Variants in UNC13A observed in about 807,000 individuals in gnomAD.
The protein encoded by UNC13A is unc-13 homolog A.
A neutral mutation model predicts 219.7 loss-of-function variants in UNC13A; 61 were observed. The observed-to-expected ratio is 0.28, with a 90% CI of 0.23 to 0.34. The LOEUF is 0.34. UNC13A is among the 10% of genes least tolerant of loss of function. The pLI is 1.00. For synonymous variants in UNC13A, 920 were observed against 884.6 expected, an observed-to-expected ratio of 1.04 and a Z score of -0.71; for missense variants, 1,476 against 2,270.3, an observed-to-expected ratio of 0.65 and a Z score of 7.11.
At chr19:17,667,247 C>T (rs2145895554) in intron 6 of UNC13A, among the ~76,000 whole-genome samples, 1 of 76,860 alleles carries the variant, frequency 1.3e-5, no homozygotes, top group African/African-American at 5.6e-5. Context: ...GAGACTCCGT[C>T]TCAAAAAAGA....
At chr19:17,688,014 C>A (rs899562965) in intron 1 of UNC13A, among the ~76,000 whole-genome samples, 164 bp downstream of exon 1, 3 of 151,926 alleles carry the variant, frequency 2.0e-5, no homozygotes, top group African/African-American at 7.3e-5. Flanking sequence ...ACACGGATCA[C>A]CCCCTCCGGG....
chr19:17,639,503 G>T lies in UNC13A; in HGVS notation c.2879C>A (p.Pro960Gln). 1 of 1,613,376 alleles carries T rather than the reference G, an allele frequency of 6.2e-7. No homozygotes were observed. The highest frequency in any genetic ancestry group is 1.1e-5 in the South Asian group (1 of 90,984). The part of the protein sequence containing the change: ...MYRNNFPASS[P>Q]ERLQDLKSTV... ...GGATTTGAGGTCCTGGAGTCTCTCC[G>T]GGCTGCTGGCTGGGAAGTTATTCTG... is the stretch of plus-strand genomic sequence containing the variant. The change falls in exon 24 of 44, where the codon CCG becomes CAG. Residue 960 changes from proline to glutamine, a missense_variant. This residue lies in a region of UNC13A where 140 missense variants were observed against 270.9 expected (regional missense o/e 0.52). Coordinates refer to ENST00000519716, the MANE Select transcript of UNC13A (RefSeq NM_001080421.3).
chr19:17,607,876 C>CT (rs58683080), intron 43 of UNC13A, among the ~76,000 whole-genome samples: 13,263 of 96,258 alleles, frequency 0.14, 1,817 homozygotes, highest in South Asian at 0.19. Context: ...CGTGAACAGA[C>CT]TTTTTTTTTT....
chr19:17,668,464 C>T (rs2079706878), intron 5 of UNC13A, among the ~76,000 whole-genome samples: 1 of 152,012 alleles, frequency 6.6e-6, no homozygotes, highest in African/African-American at 2.4e-5. Context: ...GTGGGGAAGC[C>T]ATTGTTTTTA....
intron 21 of UNC13A, 52 bp downstream of exon 21, chr19:17,641,341 G>A (rs531720280): frequency 6.3e-7 from 1 of 1,593,024 alleles, no homozygotes; most frequent in Non-Finnish European, 8.6e-7. Flanking sequence ...ACCTGCCAGT[G>A]CCCACTTGGT....
chr19:17,606,172 C>T lies in UNC13A; in HGVS notation c.4994G>A (p.Gly1665Asp). The T allele has an allele frequency of 6.4e-7, 1 of 1,571,396 alleles. No individual in the cohort carries two copies. The highest frequency in any genetic ancestry group is 8.6e-7 in the Non-Finnish European group (1 of 1,160,128). The change falls in exon 44 of 44, where the codon GGC becomes GAC. Residue 1665 changes from glycine (G) to aspartate (D), a missense_variant. This residue lies in a region of UNC13A where 187 missense variants were observed against 172.3 expected (regional missense o/e 1.09). Coordinates refer to ENST00000519716, the MANE Select transcript of UNC13A (RefSeq NM_001080421.3). ...CGAGAGGATTCGCAGCACCGTGAGG[C>T]CCGTGTCGTCCATGTGGATGCGGCG... ...LGRRIHMDDT[G>D]LTVLRILSQR...
At chr19:17,632,417 T>C (rs2076866190) in intron 28 of UNC13A, among the ~76,000 whole-genome samples, 1 of 152,196 alleles carries the variant, frequency 6.6e-6, no homozygotes, top group Non-Finnish European at 1.5e-5. Flanking sequence ...CTCAAGCAAG[T>C]CCTGCCTCAG....
chr19:17,627,363 A>G lies in UNC13A; in HGVS notation c.3920+146T>C. On this transcript the variant is annotated intron_variant, in intron 33 of 43. Coordinates refer to ENST00000519716, the MANE Select transcript of UNC13A (RefSeq NM_001080421.3). This position sits in a 1 kb window ranked among gnomAD's most constrained non-coding sequence, Gnocchi z 4.7. ...ACCCAAGGCCACACAGCTAGTAAGC[A>G]GTAAAGCCAAGATTTGAACTCAGCC... 1.6e-6 allele frequency: 1 copy of G among 638,572 alleles called. No homozygotes were observed. Among genetic ancestry groups the G allele is most frequent in the Non-Finnish European group, 2.7e-6 (1 of 368,580 alleles). The allele number at this position is 638,572 out of a possible 1,614,324, so 39.6% of individuals were successfully genotyped here. A position where few individuals can be genotyped will look rare whatever the true frequency, so the allele number is the denominator to read the frequency against.
chr19:17,685,694 G>A lies in UNC13A; in HGVS notation c.22+2484C>T, dbSNP rs116847946. ...CATTTGAGTACACACGTGTGCCTACGGAATGTGCCTTCCCAGGCACATGGT... is the reference window on the plus strand; with the variant it reads ...CATTTGAGTACACACGTGTGCCTACAGAATGTGCCTTCCCAGGCACATGGT... On this transcript the variant is annotated intron_variant, in intron 1 of 43. Transcript: ENST00000519716. Among the ~76,000 whole-genome samples, 686 of 152,276 alleles carry A rather than the reference G, an allele frequency of 4.5e-3. 2 individuals carry two copies. The highest frequency in any genetic ancestry group is 6.8e-3 in the Non-Finnish European group (464 of 68,020).
chr19:17,606,271 G>A lies in UNC13A; in HGVS notation c.4895C>T (p.Thr1632Met), dbSNP rs775051410. 3.9e-6 allele frequency: 6 copies of A among 1,547,708 alleles called. No homozygotes were observed. Among genetic ancestry groups the A allele is most frequent in the African/African-American group, 2.8e-5 (2 of 72,372 alleles). ...CAGCTGCAGCACGGCCAGCCCCACC[G>A]TGCGGTCCTCGCGCGCGAAGCAGTA... The part of the protein sequence containing the change: ...KDYCFAREDR[T>M]VGLAVLQLRE... The change falls in exon 44 of 44, where the codon ACG (threonine) becomes ATG (methionine). Residue 1632 changes from threonine to methionine, a missense_variant. By Grantham distance (81) the Thr-to-Met change is moderately conservative. Around this residue, in one of 14 missense-constraint regions of UNC13A, gnomAD observed 187 missense variants for 172.3 expected, o/e 1.09. Coordinates refer to ENST00000519716, the MANE Select transcript of UNC13A (RefSeq NM_001080421.3).
Position 17,649,236 on chromosome 19 carries a change from T to G in UNC13A, c.1524+103A>C, listed in dbSNP as rs1655138566. 6.6e-7 allele frequency: 1 copy of G among 1,519,772 alleles called. No homozygotes were observed. The highest frequency in any genetic ancestry group is 1.4e-5 in the African/African-American group (1 of 72,744). 94.1% of individuals were successfully genotyped at this position (1,519,772 alleles called of 1,614,324 possible). A position where few individuals can be genotyped will look rare whatever the true frequency, so the allele number is the denominator to read the frequency against. ...TCACAGCATCCAACACAGTGGGACATGGCAAGGTTCCCCCATAATCCATGA... is the reference window on the plus strand; with the variant it reads ...TCACAGCATCCAACACAGTGGGACAGGGCAAGGTTCCCCCATAATCCATGA... On this transcript the variant is annotated intron_variant, in intron 14 of 43. Coordinates refer to ENST00000519716, the MANE Select transcript of UNC13A (RefSeq NM_001080421.3). This position sits in a 1 kb window ranked among gnomAD's most constrained non-coding sequence, Gnocchi z 4.4.
intron 36 of UNC13A, 129 bp downstream of exon 36, chr19:17,623,413 G>A: frequency 1.4e-6 from 1 of 715,180 alleles, no homozygotes; most frequent in South Asian, 1.8e-5. Context: ...GGCACATCTA[G>A]GCGGGAGGGA....
In UNC13A at chr19:17,674,471, G is replaced by A. The variant is rs774103792; in HGVS notation, c.152+186C>T. Among the ~76,000 whole-genome samples the A allele has an allele frequency of 3.3e-5, 5 of 152,270 alleles. No homozygotes were observed. In the South Asian group the frequency reaches 6.2e-4, roughly 19 times the overall value. On this transcript the variant is annotated intron_variant, in intron 3 of 43. Coordinates refer to ENST00000519716, the MANE Select transcript of UNC13A (RefSeq NM_001080421.3). This position sits in a 1 kb window ranked among gnomAD's most constrained non-coding sequence, Gnocchi z 5.0. ...CAGCAGGGACTTGGCTGGTGGCTGC[G>A]GAGACCAAGGGAAGTGATTGGATTG...
intron 1 of UNC13A, among the ~76,000 whole-genome samples, chr19:17,686,358 G>T (rs1202213843): frequency 6.7e-6 from 1 of 149,638 alleles, no homozygotes; most frequent in Non-Finnish European, 1.5e-5. Context: ...CAACTTGGAG[G>T]ATGTGAGGCG....
intron 38 of UNC13A, among the ~76,000 whole-genome samples, chr19:17,619,360 C>T (rs1022382317): frequency 5.0e-5 from 6 of 119,418 alleles, no homozygotes; most frequent in Non-Finnish European, 1.2e-4. Context: ...CAAACACTTC[C>T]TCCTCCTCAA....
chr19:17,624,803 C>T, intron 35 of UNC13A, 26 bp downstream of exon 35: 2 of 1,598,034 alleles, frequency 1.3e-6, no homozygotes, highest in Non-Finnish European at 1.7e-6. Context: ...GCCTAAATGT[C>T]CCCTCGGGCC....
In UNC13A at chr19:17,621,844, C is replaced by T. The variant is rs1398378570; in HGVS notation, c.4230G>A (p.Lys1410=). The T allele has an allele frequency of 3.7e-6, 6 of 1,614,014 alleles. No homozygotes were observed. The highest frequency in any genetic ancestry group is 2.5e-6 in the Non-Finnish European group (3 of 1,179,888). The part of the protein sequence containing the change: ...MIGNLLRKHG[K]GLEKGRVKLP... ...AGGCCCTCATTACCTTTTCTAATCC[C>T]TTGCCATGTTTTCTCAAGAGGTTCC... is the stretch of plus-strand genomic sequence containing the variant. The change falls in exon 37 of 44, where the codon AAG becomes AAA. Residue 1410 remains lysine (K), a synonymous_variant. Coordinates refer to ENST00000519716, the MANE Select transcript of UNC13A (RefSeq NM_001080421.3).
At chr19:17,669,450 G>A in intron 5 of UNC13A, 103 bp downstream of exon 5, 1 of 1,443,976 alleles carries the variant, frequency 6.9e-7, no homozygotes, top group Non-Finnish European at 9.3e-7. Flanking sequence ...TCAGCCTGAA[G>A]GGTCAGCTAG....
chr19:17,685,595 C>T (rs926823860), intron 1 of UNC13A, among the ~76,000 whole-genome samples: 5 of 152,214 alleles, frequency 3.3e-5, no homozygotes, highest in South Asian at 2.1e-4. Context: ...CACACTCACA[C>T]GTGTGTTGCT....
Sources: allele counts gnomAD v4.1 joint callset (sites outside exome capture counted in the v4.1 genomes callset), GRCh38; gene constraint gnomAD v4.1.1; regional missense constraint gnomAD v4.1.1; non-coding constraint Gnocchi (gnomAD v3.1); transcripts MANE v1.5; gene names NCBI Gene and HGNC (gene_info 2026-07-23, HGNC 2026-07-21).